Variants in IDNK observed in about 807,000 individuals in gnomAD.
IDNK encodes gluconokinase.
In IDNK, 9 loss-of-function variants were observed where a neutral mutation model predicts 13.0. That is an observed-to-expected ratio of 0.69 (90% CI 0.42 to 1.21). The LOEUF (loss-of-function observed/expected upper bound fraction) is 1.21, where lower values mean the gene tolerates loss of function less well. IDNK is among the 50% of genes most tolerant of loss of function. The pLI is 0.00. For missense variants in IDNK, 210 were observed against 237.8 expected (o/e 0.88, Z 0.77); for synonymous variants, 92 against 94.9 (o/e 0.97, Z 0.18).
At chr9:83,627,436 G>A (rs1298890784) in intron 1 of IDNK, among the ~76,000 whole-genome samples, 1 of 152,126 alleles carries the variant, frequency 6.6e-6, no homozygotes, top group Non-Finnish European at 1.5e-5. Context: ...TACATCATGT[G>A]GCTCAGATCC....
At chr9:83,627,696 T>G (rs1367302047) in intron 1 of IDNK, among the ~76,000 whole-genome samples, 1 of 152,202 alleles carries the variant, frequency 6.6e-6, no homozygotes, top group African/African-American at 2.4e-5. Context: ...TCCTTTATTT[T>G]ACGAGTGTGT....
intron 3 of IDNK, among the ~76,000 whole-genome samples, chr9:83,641,004 A>G (rs1831291010): frequency 6.6e-6 from 1 of 152,208 alleles, no homozygotes. Context: ...GCCAGGAAGG[A>G]GAGAATTTAC....
rs553420250 is a variant in IDNK at position 83,639,158 on chromosome 9, G to C, written c.169-2390G>C. ...TGCACACACATCACCAAAATGGTTG[G>C]GAACTCTAAAAATAAATAAGCAAAT... is the stretch of plus-strand genomic sequence containing the variant. On this transcript the variant is annotated intron_variant, in intron 3 of 4. Transcript: ENST00000376419. Among the ~76,000 whole-genome samples the C allele has an allele frequency of 1.7e-3, 254 of 151,754 alleles. 1 individual carries two copies. Among genetic ancestry groups the C allele is most frequent in the African/African-American group, 5.6e-3 (233 of 41,400 alleles).
rs2811903 is a variant in IDNK, at chr9:83,623,171, T to C, written c.-1T>C. On this transcript the variant is annotated 5_prime_UTR_variant, in exon 1 of 5. Transcript: ENST00000376419. ...CGACGGGAAGGAGCCGAGCTTGGGT[T>C]ATGGCGGCGCCGGGCGCGCTGCTGG... 1,090,137 of 1,420,460 alleles carry C rather than the reference T, an allele frequency of 0.77. 419,878 individuals carry two copies. Among genetic ancestry groups the C allele is most frequent in the African/African-American group, 0.9 (59,634 of 66,110 alleles). 88.0% of individuals were successfully genotyped at this position (1,420,460 alleles called of 1,614,324 possible).
At chr9:83,631,593 C>A (rs1831018032) in intron 3 of IDNK, among the ~76,000 whole-genome samples, 1 of 151,762 alleles carries the variant, frequency 6.6e-6, no homozygotes, top group Non-Finnish European at 1.5e-5. Flanking sequence ...GCCTGGGGGA[C>A]AGAGTGAGAC....
rs148649554 is a variant in IDNK, at chr9:83,638,835, C to T, written c.169-2713C>T. Reference sequence around the variant, plus strand: ...CAAAATAAAGACATTTTCTAACATACACAAAGACAGAAGGGTGGACTGTCA... The same window carrying T: ...CAAAATAAAGACATTTTCTAACATATACAAAGACAGAAGGGTGGACTGTCA... On this transcript the variant is annotated intron_variant, in intron 3 of 4. Coordinates refer to ENST00000376419, the MANE Select transcript of IDNK (RefSeq NM_001001551.4). 6.0e-4 allele frequency among the ~76,000 whole-genome samples: 91 copies of T among 152,264 alleles called. No individual in the cohort carries two copies. In the South Asian group the frequency reaches 9.3e-3, roughly 16 times the overall value.
chr9:83,637,300 A>G (rs1006570579), intron 3 of IDNK, among the ~76,000 whole-genome samples: 2 of 152,272 alleles, frequency 1.3e-5, no homozygotes, highest in African/African-American at 4.8e-5. Context: ...ATTAGCACGC[A>G]GTGCTTTAAA....
chr9:83,624,003 T>C (rs750895918), intron 1 of IDNK, among the ~76,000 whole-genome samples: 23 of 152,214 alleles, frequency 1.5e-4, no homozygotes, highest in Admixed American at 6.5e-4. Context: ...AGGACCCTTC[T>C]AGAATTTTCT....
At chr9:83,628,818 C>A in intron 2 of IDNK, 55 bp from the exon 3 acceptor site, 11 of 1,217,084 alleles carry the variant, frequency 9.0e-6, no homozygotes, top group Non-Finnish European at 1.3e-5. Flanking sequence ...CCCACAATGA[C>A]TATCACATTG....
chr9:83,627,962 A>G (rs781262740), intron 1 of IDNK: 467 of 1,285,926 alleles, frequency 3.6e-4, no homozygotes, highest in Non-Finnish European at 4.6e-4. Flanking sequence ...AGAGAAAGAA[A>G]TAGTGTTAAC....
At chr9:83,631,175 G>C (rs113864649) in intron 3 of IDNK, among the ~76,000 whole-genome samples, 2 of 151,898 alleles carry the variant, frequency 1.3e-5, no homozygotes, top group African/African-American at 4.8e-5. Flanking sequence ...AGCCCCCTGT[G>C]AATGGATTAA....
chr9:83,626,158 T>G (rs1830842804), intron 1 of IDNK, among the ~76,000 whole-genome samples: 1 of 152,176 alleles, frequency 6.6e-6, no homozygotes, highest in South Asian at 2.1e-4. Context: ...ACCAACCCAC[T>G]GGGAGACATA....
intron 3 of IDNK, 141 bp downstream of exon 3, chr9:83,629,100 C>G: frequency 1.4e-6 from 1 of 700,732 alleles, no homozygotes; most frequent in Non-Finnish European, 2.6e-6. Flanking sequence ...CCAGTAGATC[C>G]TCTACATATG....
At chr9:83,636,345 T>C (rs1831165734) in intron 3 of IDNK, among the ~76,000 whole-genome samples, 2 of 152,106 alleles carry the variant, frequency 1.3e-5, no homozygotes, top group South Asian at 4.1e-4. Context: ...CAGGGGCAAT[T>C]TTCCATCAAA....
chr9:83,628,650 CAAA>C (rs34312050), intron 2 of IDNK, among the ~76,000 whole-genome samples: 1 of 131,318 alleles, frequency 7.6e-6, no homozygotes. Flanking sequence ...GACTACATTT[CAAA>C]AAAAAAAAAA....
intron 3 of IDNK, among the ~76,000 whole-genome samples, chr9:83,632,454 T>C (rs529647554): frequency 6.7e-6 from 1 of 149,982 alleles, no homozygotes; most frequent in South Asian, 2.1e-4. Context: ...AGGGACTATC[T>C]AGAGCAGGGG....
rs940618806 is a variant in IDNK at position 83,623,352 on chromosome 9, A to C, written c.50+131A>C. 1.2e-5 allele frequency: 11 copies of C among 887,002 alleles called. No individual in the cohort carries two copies. In the Admixed American group the frequency reaches 3.2e-4, roughly 26 times the overall value. 54.9% of individuals were successfully genotyped at this position (887,002 alleles called of 1,614,324 possible). On this transcript the variant is annotated intron_variant, in intron 1 of 4. Transcript: ENST00000376419. ...CCACCCTTCCCTTTGCAGATGAAGA[A>C]ACCGAGGCCCGCGGCTGCCGCGCCC...
intron 3 of IDNK, among the ~76,000 whole-genome samples, chr9:83,636,191 C>G (rs1831162308): frequency 6.6e-6 from 1 of 152,146 alleles, no homozygotes; most frequent in Non-Finnish European, 1.5e-5. Flanking sequence ...AGGAATTACT[C>G]AAACTTAGAA....
intron 3 of IDNK, among the ~76,000 whole-genome samples, chr9:83,630,905 T>C (rs1174041536): frequency 6.6e-6 from 1 of 152,080 alleles, no homozygotes; most frequent in Non-Finnish European, 1.5e-5. Flanking sequence ...AGTTACTTAC[T>C]AAATTTTTTC....
Sources: gnomAD v4.1 joint callset for allele counts (sites outside exome capture counted in the v4.1 genomes callset) on GRCh38, gnomAD v4.1.1 for gene constraint, MANE v1.5 for transcripts, NCBI Gene and HGNC (gene_info 2026-07-23, HGNC 2026-07-21) for gene names.